Variants in G3BP2 observed in about 807,000 individuals in gnomAD.
G3BP2 encodes ras GTPase-activating protein-binding protein 2.
In G3BP2, 11 loss-of-function variants were observed where a neutral mutation model predicts 56.7. The ratio of observed to expected loss-of-function variants is 0.19; its 90% confidence interval spans 0.12 to 0.32. The LOEUF is 0.32. Among genes scored for constraint, G3BP2 ranks in the 10% least tolerant of loss-of-function variants. G3BP2 has a pLI of 1.00. For synonymous variants in G3BP2, 165 were observed against 191.6 expected, an observed-to-expected ratio of 0.86 and a Z score of 1.15; for missense variants, 340 against 610.9, an observed-to-expected ratio of 0.56 and a Z score of 4.67.
chr4:75,660,573 G>A (rs1192986506), intron 2 of G3BP2, among the ~76,000 whole-genome samples: 1 of 152,142 alleles, frequency 6.6e-6, no homozygotes, highest in East Asian at 1.9e-4. Flanking sequence ...ATATACATAC[G>A]TAAAGTAATT....
At chr4:75,674,718 A>ATATATATATATATT (rs1241041465), upstream of G3BP2, among the ~76,000 whole-genome samples, 1 of 71,432 alleles carries the variant, frequency 1.4e-5, no homozygotes, top group African/African-American at 5.9e-5. Flanking sequence ...ATATATATAT[A>ATATATATATATATT]TTTTTTTTTT....
intron 2 of G3BP2, 86 bp downstream of exon 2, chr4:75,661,845 T>C (rs1732591990): frequency 3.0e-6 from 2 of 674,160 alleles, no homozygotes; most frequent in Non-Finnish European, 5.4e-6. Context: ...TGTCAGATAA[T>C]GAGGAGACAG....
Position 75,645,567 on chromosome 4 carries a change from G to A in G3BP2, c.1312C>T (p.Arg438Cys), listed in dbSNP as rs1256877178. 3 of 1,613,712 alleles carry A rather than the reference G, an allele frequency of 1.9e-6. No individual in the cohort carries two copies. Among genetic ancestry groups the A allele is most frequent in the South Asian group, 1.1e-5 (1 of 91,058 alleles). The change falls in exon 12 of 12, where the codon CGT (arginine) becomes TGT (cysteine). Residue 438 changes from arginine (R) to cysteine (C), a missense_variant. Transcript: ENST00000359707. ...RRNDRGPGGP[R>C]GIVGGGMMRD... The stretch of plus-strand genomic sequence containing the variant: ...ATCATTCCACCACCCACAATTCCAC[G>A]TGGACCACCGGGACCTCGATCATTG...
chr4:75,697,091 T>C (rs1279607532), intron 3 of G3BP2, among the ~76,000 whole-genome samples: 4 of 151,780 alleles, frequency 2.6e-5, no homozygotes, highest in African/African-American at 9.7e-5. Flanking sequence ...CTGGCCAACA[T>C]GGTGAAACCC....
upstream of G3BP2, chr4:75,673,679 C>T (rs879907803): frequency 5.0e-5 from 59 of 1,191,506 alleles, no homozygotes; most frequent in Non-Finnish European, 5.7e-5. Context: ...GGTCCCGAGG[C>T]TCCAGCCTTG....
chr4:75,656,863 A>G (rs1732159393), intron 5 of G3BP2, 61 bp downstream of exon 5: 1 of 757,920 alleles, frequency 1.3e-6, no homozygotes, highest in East Asian at 2.7e-5. Context: ...ACTTATAGAA[A>G]TTAGTCCATA....
At chr4:75,671,103 C>T (rs1372063207) in intron 1 of G3BP2, among the ~76,000 whole-genome samples, 1 of 152,146 alleles carries the variant, frequency 6.6e-6, no homozygotes, top group Admixed American at 6.5e-5. Context: ...CCAGGACCTT[C>T]CTGAAGGTGG....
intron 3 of G3BP2, among the ~76,000 whole-genome samples, chr4:75,705,355 C>G (rs558465676): frequency 6.6e-6 from 1 of 152,224 alleles, no homozygotes; most frequent in Non-Finnish European, 1.5e-5. Flanking sequence ...TGGCAACCTA[C>G]AGTAAATCAT....
chr4:75,692,459 G>C (rs982823340), intron 3 of G3BP2, among the ~76,000 whole-genome samples: 2 of 151,990 alleles, frequency 1.3e-5, no homozygotes, highest in Non-Finnish European at 2.9e-5. Context: ...CTACAGGCGC[G>C]GGCCACCACA....
intron 3 of G3BP2, among the ~76,000 whole-genome samples, chr4:75,713,534 G>A (rs930453756): frequency 6.6e-6 from 1 of 152,172 alleles, no homozygotes; most frequent in African/African-American, 2.4e-5. Flanking sequence ...TGTAATCTTG[G>A]CACTTTGGGA....
At chr4:75,704,196 T>C (rs987631003) in intron 3 of G3BP2, among the ~76,000 whole-genome samples, 1 of 151,368 alleles carries the variant, frequency 6.6e-6, no homozygotes, top group Non-Finnish European at 1.5e-5. Context: ...TTTTTGTATT[T>C]TTAGTAGAGA....
chr4:75,678,291 C>G (rs973219433), upstream of G3BP2, among the ~76,000 whole-genome samples: 3 of 142,290 alleles, frequency 2.1e-5, no homozygotes, highest in Non-Finnish European at 1.5e-5. Context: ...ACTACCGTGC[C>G]TAGCTTGTGT....
At chr4:75,665,633 ACAC>A (rs1732961408) in intron 1 of G3BP2, among the ~76,000 whole-genome samples, 1 of 65,438 alleles carries the variant, frequency 1.5e-5, no homozygotes, top group Non-Finnish European at 3.2e-5. Context: ...ACAAACACAC[ACAC>A]ACACACAAAC....
At chr4:75,680,667 G>A (rs974355588) in intron 3 of G3BP2, among the ~76,000 whole-genome samples, 3 of 152,148 alleles carry the variant, frequency 2.0e-5, no homozygotes, top group African/African-American at 4.8e-5. Flanking sequence ...GTTTGGCAGT[G>A]TAAAGAAACT....
chr4:75,694,738 C>T, intron 3 of G3BP2: 1 of 982,302 alleles, frequency 1.0e-6, no homozygotes, highest in Non-Finnish European at 1.2e-6. Context: ...GACTCTGTCT[C>T]GAAAAACAAA....
chr4:75,649,002 A>C lies in G3BP2; in HGVS notation c.826-261T>G, dbSNP rs181238333. 1.4e-4 allele frequency: 39 copies of C among 277,600 alleles called. No homozygotes were observed. In the East Asian group the frequency reaches 2.2e-3, roughly 16 times the overall value. 17.2% of individuals were successfully genotyped at this position (277,600 alleles called of 1,614,324 possible). A position where few individuals can be genotyped will look rare whatever the true frequency, so the allele number is the denominator to read the frequency against. ...CTTTTTACAGTCACATTTTTTCATTAAAGTTATATCAACACTGAAATAGCA... is the reference window on the plus strand; with the variant it reads ...CTTTTTACAGTCACATTTTTTCATTCAAGTTATATCAACACTGAAATAGCA... On this transcript the variant is annotated intron_variant, in intron 8 of 11. Transcript: ENST00000359707.
intron 7 of G3BP2, 164 bp downstream of exon 7, chr4:75,654,902 A>G: frequency 1.7e-6 from 1 of 593,010 alleles, no homozygotes; most frequent in Non-Finnish European, 2.9e-6. Flanking sequence ...CGGGGCAGGG[A>G]AACAATAACA....
intron 3 of G3BP2, among the ~76,000 whole-genome samples, chr4:75,708,014 C>T (rs1171742715): frequency 2.6e-5 from 4 of 152,140 alleles, no homozygotes; most frequent in Non-Finnish European, 5.9e-5. Flanking sequence ...CTATAACCAA[C>T]TATGTGCATC....
At chr4:75,698,790 A>G (rs1719222002) in intron 3 of G3BP2, among the ~76,000 whole-genome samples, 1 of 152,030 alleles carries the variant, frequency 6.6e-6, no homozygotes, top group South Asian at 2.1e-4. Context: ...TGAAGCCTCA[A>G]ACTCAAGCAA....
Sources: allele counts gnomAD v4.1 joint callset (sites outside exome capture counted in the v4.1 genomes callset), GRCh38; gene constraint gnomAD v4.1.1; transcripts MANE v1.5; gene names NCBI Gene and HGNC (gene_info 2026-07-23, HGNC 2026-07-21).